The following BRWD1 variants were observed in gnomAD, a reference collection of about 807,000 sequenced individuals.
BRWD1 encodes the protein bromodomain and WD repeat domain containing 1, also known as bromodomain and WD repeat-containing protein 1.
In BRWD1, 82 loss-of-function variants were observed where a neutral mutation model predicts 251.2. The ratio of observed to expected loss-of-function variants is 0.33; its 90% CI spans 0.27 to 0.39. BRWD1 has a LOEUF of 0.39. Ranked by LOEUF, BRWD1 falls within the 10% of genes least tolerant of loss-of-function variation. BRWD1 has a pLI of 1.00. For synonymous variants in BRWD1, 918 were observed against 902.8 expected (o/e 1.02, Z -0.30); for missense variants, 2,233 against 2,711.6 (o/e 0.82, Z 3.92).
intron 21 of BRWD1, among the ~76,000 whole-genome samples, chr21:39,244,708 C>T (rs1470272592): frequency 1.3e-5 from 2 of 151,864 alleles, no homozygotes; most frequent in Admixed American, 1.3e-4. Flanking sequence ...GGAAACCATC[C>T]CATGTCTACT....
intron 19 of BRWD1, among the ~76,000 whole-genome samples, chr21:39,253,436 C>T (rs1175775521): frequency 6.6e-6 from 1 of 152,036 alleles, no homozygotes; most frequent in African/African-American, 2.4e-5. Flanking sequence ...AAAATAAATG[C>T]TTGTGTTTTA....
chr21:39,207,451 AACACAC>A (rs58765400), intron 36 of BRWD1, among the ~76,000 whole-genome samples: 183 of 131,310 alleles, frequency 1.4e-3, no homozygotes, highest in African/African-American at 4.5e-3. Context: ...AAAAAAAGAA[AACACAC>A]ACACACACAC....
intron 8 of BRWD1, among the ~76,000 whole-genome samples, chr21:39,287,467 C>T (rs553957858): frequency 6.6e-6 from 1 of 152,268 alleles, no homozygotes; most frequent in Admixed American, 6.5e-5. Context: ...AGATACAATG[C>T]ATTTCATAGT....
chr21:39,198,895 C>A lies in BRWD1; in HGVS notation c.5521G>T (p.Glu1841Ter). 6.2e-7 allele frequency: 1 copy of A among 1,614,150 alleles called. No individual in the cohort carries two copies. The highest frequency in any genetic ancestry group is 8.5e-7 in the Non-Finnish European group (1 of 1,180,020). ...DREDGKCHKM[E>*]MNPISGNLNC... Reference sequence around the variant, plus strand: ...AGATTTCCTGAAATTGGGTTCATTTCCATTTTATGACATTTCCCATCTTCT... The same window carrying A: ...AGATTTCCTGAAATTGGGTTCATTTACATTTTATGACATTTCCCATCTTCT... The change falls in exon 40 of 41, where the codon GAA becomes TAA. Residue 1841 changes from glutamate to a stop codon, truncating the protein, a stop_gained. Coordinates refer to ENST00000342449, the MANE Select transcript of BRWD1 (RefSeq NM_033656.4). LOFTEE classifies it high-confidence loss of function.
In BRWD1 at chr21:39,199,250, T is replaced by C; in HGVS notation, c.5166A>G (p.Ser1722=). 1 of 1,614,242 alleles carries C rather than the reference T, an allele frequency of 6.2e-7. No individual in the cohort carries two copies. Among genetic ancestry groups the C allele is most frequent in the Non-Finnish European group, 8.5e-7 (1 of 1,180,048 alleles). The change falls in exon 40 of 41, where the codon TCA becomes TCG. Residue 1722 remains serine (S), a synonymous_variant. Coordinates refer to ENST00000342449, the MANE Select transcript of BRWD1 (RefSeq NM_033656.4). ...TCCGGGCTACCCGCAAATCACTTTC[T>C]GACTCTGAGTCTCTGTTTTCAGATT... The part of the protein sequence containing the change: ...VDESENRDSE[S]ESDLRVARKN...
chr21:39,300,695 G>T (rs539989936), intron 4 of BRWD1, among the ~76,000 whole-genome samples: 1 of 152,212 alleles, frequency 6.6e-6, no homozygotes, highest in East Asian at 1.9e-4. Flanking sequence ...TCAAAAAAAT[G>T]ATGAGATACA....
intron 31 of BRWD1, 131 bp from the exon 32 acceptor site, chr21:39,215,493 C>G: frequency 1.4e-6 from 1 of 732,898 alleles, no homozygotes; most frequent in Non-Finnish European, 2.2e-6. Flanking sequence ...TAATGAATAA[C>G]CTTCTAATGC....
At position 39,224,462 on chromosome 21, in the gene BRWD1, T is replaced by C; in HGVS notation, c.3328A>G (p.Asn1110Asp). Residue 1110 changes from asparagine (N) to aspartate (D), a missense_variant, in exon 29 of 41, where the codon AAT becomes GAT. This residue lies in a region of BRWD1 where 139 missense variants were observed against 272.8 expected (regional missense o/e 0.51). Coordinates refer to ENST00000342449, the MANE Select transcript of BRWD1 (RefSeq NM_033656.4). ...HFQCYIVRWD[N>D]TEIEKLSPWD... is the part of the protein sequence containing the mutation. ...GGGCTAAGTTTTTCAATTTCAGTATTATCCCACCTGTTAAAAAACAACAAA... is the reference window on the plus strand; with the variant it reads ...GGGCTAAGTTTTTCAATTTCAGTATCATCCCACCTGTTAAAAAACAACAAA... 6.3e-7 allele frequency: 1 copy of C among 1,598,092 alleles called. No individual in the cohort carries two copies. Among genetic ancestry groups the C allele is most frequent in the Non-Finnish European group, 8.5e-7 (1 of 1,170,332 alleles).
At chr21:39,272,106 A>C (rs1403245213) in intron 13 of BRWD1, among the ~76,000 whole-genome samples, 1 of 151,486 alleles carries the variant, frequency 6.6e-6, no homozygotes, top group Non-Finnish European at 1.5e-5. Context: ...AATTCTAACT[A>C]GATTGATTGG....
In BRWD1 at chr21:39,225,186, G is replaced by A. The variant is rs375033337; in HGVS notation, c.3220C>T (p.Arg1074Cys). The change falls in exon 28 of 41, where the codon CGC becomes TGC. Residue 1074 changes from arginine to cysteine, a missense_variant. Coordinates refer to ENST00000342449, the MANE Select transcript of BRWD1 (RefSeq NM_033656.4). ...CACCAAGCATCATCAATAATAGAGC[G>A]GAATCTGTCACCTAGGAGAGAAATG... ...QRNWQSCDRF[R>C]SIIDDAWWFG... The A allele has an allele frequency of 1.2e-5, 19 of 1,610,838 alleles. No individual in the cohort carries two copies. Among genetic ancestry groups the A allele is most frequent in the Non-Finnish European group, 1.4e-5 (16 of 1,177,728 alleles).
downstream of BRWD1, chr21:39,184,769 T>C (rs1034152723): frequency 7.2e-5 from 11 of 152,190 alleles, no homozygotes; most frequent in African/African-American, 1.9e-4. Context: ...AGTAAGAGCT[T>C]AGGAAACTGG....
rs531858179 is a variant in BRWD1 at position 39,240,912 on chromosome 21, G to GT, written c.2482-2340dup. On this transcript the variant is annotated intron_variant, in intron 21 of 40. Transcript: ENST00000342449. ...AGGGTAAGTAAATCTTTTTTTTTTT[G>GT]TTTTTTGAGACAGAGTTTCACTCTG... 3.0e-3 allele frequency among the ~76,000 whole-genome samples: 408 copies of GT among 133,860 alleles called. 2 individuals are homozygous for GT. The highest frequency in any genetic ancestry group is 0.011 in the African/African-American group (392 of 35,558). The allele number at this position is 133,860 out of a possible 152,430, so 87.8% of individuals were successfully genotyped here.
intron 8 of BRWD1, among the ~76,000 whole-genome samples, chr21:39,285,955 T>C (rs1244722318): frequency 6.7e-6 from 1 of 150,358 alleles, no homozygotes; most frequent in African/African-American, 2.4e-5. Context: ...TCTTCCTGTA[T>C]GCTCACTCAT....
intron 36 of BRWD1, 147 bp downstream of exon 36, chr21:39,209,848 T>C: frequency 1.3e-6 from 1 of 772,796 alleles, no homozygotes; most frequent in South Asian, 3.6e-5. Context: ...CTCTTTTCTT[T>C]ATAATAGTCT....
intron 21 of BRWD1, among the ~76,000 whole-genome samples, chr21:39,246,276 T>C (rs1223800325): frequency 3.3e-5 from 5 of 152,182 alleles, no homozygotes; most frequent in Non-Finnish European, 5.9e-5. Context: ...ATGTTCAACA[T>C]TACTGGTCAT....
intron 7 of BRWD1, 139 bp from the exon 8 acceptor site, chr21:39,294,171 T>A: frequency 5.6e-6 from 4 of 709,924 alleles, no homozygotes; most frequent in Non-Finnish European, 9.2e-6. Context: ...TAATAAATTA[T>A]GACTATGGTC....
rs979524970 is a variant in BRWD1 at position 39,247,723 on chromosome 21, T to C, written c.2459A>G (p.Glu820Gly). ...CACATGTCTTACAGAGCTTGAAGAC[T>C]CATTTCCAGAAGATAACTCACGCCA... is the stretch of plus-strand genomic sequence containing the variant. ...RSWRELSSGN[E>G]SSSSVRHETS... Residue 820 changes from glutamate (E) to glycine (G), a missense_variant, in exon 21 of 41, where the codon GAG (glutamate) becomes GGG (glycine). Around this residue, in one of 12 missense-constraint regions of BRWD1, gnomAD observed 214 missense variants for 222.0 expected, o/e 0.96. Transcript: ENST00000342449. 5.6e-6 allele frequency: 9 copies of C among 1,612,446 alleles called. No individual in the cohort carries two copies. Among genetic ancestry groups the C allele is most frequent in the Non-Finnish European group, 7.6e-6 (9 of 1,179,528 alleles).
chr21:39,312,560 G>T, intron 4 of BRWD1: 2 of 325,650 alleles, frequency 6.1e-6, no homozygotes, highest in Admixed American at 5.2e-5. Flanking sequence ...CACCCCCGCA[G>T]AGGCGGCCGC....
chr21:39,237,244 A>G (rs2033843206), intron 22 of BRWD1, among the ~76,000 whole-genome samples: 1 of 152,204 alleles, frequency 6.6e-6, no homozygotes, highest in Non-Finnish European at 1.5e-5. Context: ...TGAGAAGCCC[A>G]AGGGAAGCAT....
Sources: allele counts gnomAD v4.1 joint callset (sites outside exome capture counted in the v4.1 genomes callset), GRCh38; gene constraint gnomAD v4.1.1; regional missense constraint gnomAD v4.1.1; transcripts MANE v1.5; gene names NCBI Gene and HGNC (gene_info 2026-07-23, HGNC 2026-07-21).